The following XRRA1 variants were observed in gnomAD, a reference collection of about 807,000 sequenced individuals.
XRRA1 encodes the protein X-ray radiation resistance associated 1, also known as X-ray radiation resistance-associated protein 1.
XRRA1 carries 69 observed loss-of-function variants against 80.2 expected under a neutral mutation model. The ratio of observed to expected loss-of-function variants is 0.86; its 90% CI spans 0.71 to 1.05. The LOEUF (loss-of-function observed/expected upper bound fraction) is 1.05, where lower values mean the gene tolerates loss of function less well. XRRA1 is among the 50% of genes least tolerant of loss of function. XRRA1 has a pLI of 0.00. For synonymous variants in XRRA1, 348 were observed against 389.9 expected, an observed-to-expected ratio of 0.89 and a Z score of 1.27; for missense variants, 967 against 976.4, an observed-to-expected ratio of 0.99 and a Z score of 0.13.
chr11:74,912,217 G>C (rs373299448), intron 8 of XRRA1, among the ~76,000 whole-genome samples: 1 of 152,194 alleles, frequency 6.6e-6, no homozygotes, highest in Non-Finnish European at 1.5e-5. Context: ...ACTAAATAAT[G>C]TGGGACCAAC....
intron 10 of XRRA1, among the ~76,000 whole-genome samples, chr11:74,882,801 G>A (rs1185391663): frequency 6.6e-6 from 1 of 152,196 alleles, no homozygotes; most frequent in Non-Finnish European, 1.5e-5. Flanking sequence ...TGCTGGGGGG[G>A]TGCCTCCCAG....
intron 5 of XRRA1, among the ~76,000 whole-genome samples, chr11:74,930,622 A>G (rs1943304280): frequency 6.6e-6 from 1 of 152,162 alleles, no homozygotes; most frequent in Non-Finnish European, 1.5e-5. Context: ...CACTATCCAG[A>G]GGTAAGTATT....
chr11:74,847,068 G>C (rs138684340), intron 15 of XRRA1, among the ~76,000 whole-genome samples: 220 of 152,052 alleles, frequency 1.4e-3, no homozygotes, highest in African/African-American at 4.9e-3. Context: ...AATTACCCTT[G>C]TACTATTTCC....
At chr11:74,881,879 T>G (rs1221838823) in intron 10 of XRRA1, among the ~76,000 whole-genome samples, 1 of 150,100 alleles carries the variant, frequency 6.7e-6, no homozygotes. Flanking sequence ...AGAGATCCGC[T>G]GTTAGTCTGA....
intron 10 of XRRA1, among the ~76,000 whole-genome samples, chr11:74,868,288 A>G (rs1028555634): frequency 2.0e-5 from 3 of 152,232 alleles, no homozygotes. Flanking sequence ...TTGTAAGTGA[A>G]GGAGAAATAA....
intron 8 of XRRA1, chr11:74,918,797 G>A (rs1289490706): frequency 6.6e-6 from 1 of 152,264 alleles, no homozygotes; most frequent in Non-Finnish European, 1.5e-5. Context: ...CCAGGGAGAA[G>A]CAACTCTCTT....
intron 10 of XRRA1, among the ~76,000 whole-genome samples, chr11:74,872,312 G>A (rs1163267324): frequency 1.3e-5 from 2 of 152,062 alleles, no homozygotes; most frequent in Non-Finnish European, 2.9e-5. Context: ...AACCCTCAAG[G>A]ACAAGTTTAT....
chr11:74,884,664 C>T (rs1009823245), intron 10 of XRRA1, among the ~76,000 whole-genome samples: 2 of 152,174 alleles, frequency 1.3e-5, no homozygotes, highest in Non-Finnish European at 2.9e-5. Context: ...CTCTTAAACT[C>T]ACTCTTTGTG....
At chr11:74,903,896 T>C (rs2054050129) in intron 10 of XRRA1, among the ~76,000 whole-genome samples, 1 of 151,944 alleles carries the variant, frequency 6.6e-6, no homozygotes, top group South Asian at 2.1e-4. Flanking sequence ...CAGGAAAATA[T>C]ATCCAAGATA....
At position 74,849,977 on chromosome 11, in the gene XRRA1, A is replaced by C. The variant is rs187757739; in HGVS notation, c.1380+1111T>G. Among the ~76,000 whole-genome samples, 73 of 152,330 alleles carry C rather than the reference A, an allele frequency of 4.8e-4. 1 individual carries two copies. In the East Asian group the frequency reaches 0.012, roughly 26 times the overall value. ...ACAATGAGGACATGCAGGCATCCCC[A>C]GTCTGACTCAGGACTAAGTCACGTT... On this transcript the variant is annotated intron_variant, in intron 14 of 18. Coordinates refer to ENST00000684022, the MANE Select transcript of XRRA1 (RefSeq NM_001378157.1).
intron 1 of XRRA1, among the ~76,000 whole-genome samples, chr11:74,948,512 T>C (rs558534021): frequency 6.6e-6 from 1 of 152,344 alleles, no homozygotes; most frequent in Non-Finnish European, 1.5e-5. Context: ...AAATCTAGAA[T>C]ACTATTACAT....
intron 11 of XRRA1, among the ~76,000 whole-genome samples, chr11:74,861,601 GTAA>G (rs1212965062): frequency 1.3e-5 from 2 of 152,158 alleles, no homozygotes; most frequent in Non-Finnish European, 2.9e-5. Context: ...ATATTACAAT[GTAA>G]TAATAACAGA....
chr11:74,948,440 GATCCCCTGT>G (rs1383865908), intron 1 of XRRA1, among the ~76,000 whole-genome samples: 1 of 152,226 alleles, frequency 6.6e-6, no homozygotes, highest in Non-Finnish European at 1.5e-5. Context: ...GGTCTATCTT[GATCCCCTGT>G]ATCCGTTAGT....
intron 10 of XRRA1, among the ~76,000 whole-genome samples, chr11:74,890,504 G>C (rs1297972630): frequency 1.3e-5 from 2 of 152,042 alleles, no homozygotes; most frequent in East Asian, 1.9e-4. Flanking sequence ...AGAGAAGCAA[G>C]AGCAAACACA....
At chr11:74,878,724 C>A (rs1382969323) in intron 10 of XRRA1, among the ~76,000 whole-genome samples, 3 of 149,006 alleles carry the variant, frequency 2.0e-5, no homozygotes, top group Non-Finnish European at 3.0e-5. Context: ...ATAGGGAATC[C>A]TTTCCCCATT....
intron 10 of XRRA1, among the ~76,000 whole-genome samples, chr11:74,895,537 T>C (rs1205162569): frequency 2.0e-5 from 3 of 152,186 alleles, no homozygotes; most frequent in African/African-American, 7.2e-5. Flanking sequence ...AGTGTTAGGC[T>C]GGGCTTAGAG....
At chr11:74,859,619 C>T (rs926269896) in intron 11 of XRRA1, among the ~76,000 whole-genome samples, 5 of 152,066 alleles carry the variant, frequency 3.3e-5, no homozygotes, top group African/African-American at 4.8e-5. Context: ...AGCAGCTTAC[C>T]CTGAATTGGC....
chr11:74,901,321 T>C (rs2053540658), intron 10 of XRRA1, among the ~76,000 whole-genome samples: 2 of 152,198 alleles, frequency 1.3e-5, no homozygotes. Context: ...ATATCCCATG[T>C]TCATGGATTG....
chr11:74,886,746 C>G (rs563590955), intron 10 of XRRA1, among the ~76,000 whole-genome samples: 1 of 152,006 alleles, frequency 6.6e-6, no homozygotes, highest in East Asian at 1.9e-4. Context: ...TTAAAAAAAG[C>G]CTGAATAGCC....
Sources: gnomAD v4.1 joint callset for allele counts (sites outside exome capture counted in the v4.1 genomes callset) on GRCh38, gnomAD v4.1.1 for gene constraint, MANE v1.5 for transcripts, NCBI Gene and HGNC (gene_info 2026-07-23, HGNC 2026-07-21) for gene names.